The following AJAP1 variants were observed in gnomAD, a reference collection of about 807,000 sequenced individuals.
AJAP1 encodes the protein adherens junctions associated protein 1, also known as adherens junction-associated protein 1.
In AJAP1, 5 loss-of-function variants were observed where a neutral mutation model predicts 35.0. The ratio of observed to expected loss-of-function variants is 0.14; its 90% CI spans 0.07 to 0.30. AJAP1 has a LOEUF of 0.30. Among genes scored for constraint, AJAP1 ranks in the 10% least tolerant of loss-of-function variants. AJAP1 has a pLI of 1.00. For synonymous variants in AJAP1, 284 were observed against 249.3 expected, an observed-to-expected ratio of 1.14 and a Z score of -1.31; for missense variants, 586 against 571.0, an observed-to-expected ratio of 1.03 and a Z score of -0.27.
chr1:4,751,935 C>A (rs538328122), intron 2 of AJAP1, among the ~76,000 whole-genome samples: 1 of 152,246 alleles, frequency 6.6e-6, no homozygotes, highest in East Asian at 1.9e-4. Flanking sequence ...GCACTGAGTC[C>A]CTGCCCACAC....
rs955999061 is a variant in AJAP1, at chr1:4,782,815, C to T, written c.*330C>T. On this transcript the variant is annotated 3_prime_UTR_variant, in exon 6 of 6. Coordinates refer to ENST00000378191, the MANE Select transcript of AJAP1 (RefSeq NM_018836.4). This position sits in a 1 kb window ranked among gnomAD's most constrained non-coding sequence, Gnocchi z 5.3. ...GAGGCAGAGAGACGAGGATACCCAGCGAAAGGGACGGGAGGAAGCATCCGA... is the reference window on the plus strand; with the variant it reads ...GAGGCAGAGAGACGAGGATACCCAGTGAAAGGGACGGGAGGAAGCATCCGA... 4 of 398,512 alleles carry T rather than the reference C, an allele frequency of 1.0e-5. No homozygotes were observed. The highest frequency in any genetic ancestry group is 6.2e-5 in the African/African-American group (3 of 48,604). The allele number at this position is 398,512 out of a possible 1,614,324, so 24.7% of individuals were successfully genotyped here.
intron 2 of AJAP1, among the ~76,000 whole-genome samples, chr1:4,751,635 G>C (rs928761690): frequency 6.6e-6 from 1 of 152,238 alleles, no homozygotes; most frequent in African/African-American, 2.4e-5. Context: ...CGCACATTCT[G>C]TCTGGGAGTC....
Position 4,712,468 on chromosome 1 carries a change from G to A in AJAP1, c.598G>A (p.Val200Ile), listed in dbSNP as rs138033447. The A allele has an allele frequency of 2.5e-6, 4 of 1,611,456 alleles. No homozygotes were observed. Among genetic ancestry groups the A allele is most frequent in the South Asian group, 1.1e-5 (1 of 90,484 alleles). ...CCTGGAGTCCAACACATTTCCGGGC[G>A]TTTACGGCCCCACCACGGTCTCCAT... ...EALESNTFPG[V>I]YGPTTVSILQ... The change falls in exon 2 of 6, where the codon GTT becomes ATT. Residue 200 changes from valine to isoleucine, a missense_variant. Physicochemically the swap from Val to Ile is conservative, Grantham distance 29. Transcript: ENST00000378191.
chr1:4,744,942 C>T (rs144648102), intron 2 of AJAP1, among the ~76,000 whole-genome samples: 1 of 152,054 alleles, frequency 6.6e-6, no homozygotes, highest in Admixed American at 6.5e-5. Context: ...GGATTCGGGG[C>T]TGGGAGGCTC....
At chr1:4,657,772 G>A (rs1280883339) in intron 1 of AJAP1, among the ~76,000 whole-genome samples, 2 of 152,112 alleles carry the variant, frequency 1.3e-5, no homozygotes, top group Non-Finnish European at 2.9e-5. Flanking sequence ...CGAAGTCTGG[G>A]CTTGGTTATT....
At chr1:4,694,773 C>A (rs1359751127) in intron 1 of AJAP1, among the ~76,000 whole-genome samples, 1 of 152,180 alleles carries the variant, frequency 6.6e-6, no homozygotes, top group African/African-American at 2.4e-5. Context: ...CAGCAGGTAC[C>A]CGGGGAGCCG....
At chr1:4,713,298 T>C (rs1230811111) in intron 2 of AJAP1, among the ~76,000 whole-genome samples, 3 of 152,156 alleles carry the variant, frequency 2.0e-5, no homozygotes, top group Non-Finnish European at 4.4e-5. Context: ...TCGCAGACAG[T>C]GATTCAGGTG....
In AJAP1 at chr1:4,666,517, C is replaced by T. The variant is rs115009247; in HGVS notation, c.29+11063C>T. ...GGGCCCGTGACTCACAGGAGGGGTG[C>T]GGAGAGGGGCCCGTGAATCACGGGA... On this transcript the variant is annotated intron_variant, in intron 1 of 5. Transcript: ENST00000378191. Among the ~76,000 whole-genome samples the T allele has an allele frequency of 3.3e-3, 425 of 130,210 alleles. 14 individuals carry two copies. The highest frequency in any genetic ancestry group is 0.012 in the African/African-American group (376 of 32,610). The allele number at this position is 130,210 out of a possible 152,430, so 85.4% of individuals were successfully genotyped here.
intron 2 of AJAP1, among the ~76,000 whole-genome samples, chr1:4,739,335 G>C (rs1355363487): frequency 6.6e-6 from 1 of 152,186 alleles, no homozygotes; most frequent in Non-Finnish European, 1.5e-5. Context: ...TGGAAAGTGG[G>C]TCCGTCCAAG....
rs375235824 is a variant in AJAP1, at chr1:4,711,871, C to G, written c.30-29C>G. On this transcript the variant is annotated intron_variant, in intron 1 of 5. Transcript: ENST00000378191. ...GTCCCCCTCCTGGGCTTCCACTGAC[C>G]GCTCTTCTCTCCTTTCCCCCCCGCA... is the stretch of plus-strand genomic sequence containing the variant. The G allele has an allele frequency of 2.9e-5, 41 of 1,436,628 alleles. No homozygotes were observed. The African/African-American group carries it at 4.8e-4, about 17-fold the overall frequency. 89.0% of individuals were successfully genotyped at this position (1,436,628 alleles called of 1,614,324 possible). A position where few individuals can be genotyped will look rare whatever the true frequency, so the allele number is the denominator to read the frequency against.
intron 1 of AJAP1, among the ~76,000 whole-genome samples, chr1:4,669,658 A>G (rs1639209137): frequency 6.6e-6 from 1 of 152,220 alleles, no homozygotes; most frequent in Non-Finnish European, 1.5e-5. Flanking sequence ...GCCAAACCAC[A>G]TCATACAATA....
At chr1:4,730,592 G>A (rs1417669007) in intron 2 of AJAP1, among the ~76,000 whole-genome samples, 2 of 152,186 alleles carry the variant, frequency 1.3e-5, no homozygotes, top group Non-Finnish European at 1.5e-5. Flanking sequence ...GAACCTCTGC[G>A]GGGCTGCCCC....
intron 1 of AJAP1, among the ~76,000 whole-genome samples, chr1:4,707,188 G>A (rs1472250992): frequency 6.6e-6 from 1 of 152,096 alleles, no homozygotes; most frequent in Non-Finnish European, 1.5e-5. Context: ...CATCCGCCAG[G>A]GCCAGGATTA....
chr1:4,732,710 C>A (rs370654454), intron 2 of AJAP1, among the ~76,000 whole-genome samples: 1 of 152,226 alleles, frequency 6.6e-6, no homozygotes, highest in Non-Finnish European at 1.5e-5. Context: ...GGCCCTTCCG[C>A]GAGACCTGGG....
chr1:4,711,787 CAGA>C (rs1640245848), intron 1 of AJAP1, 110 bp from the exon 2 acceptor site: 2 of 826,158 alleles, frequency 2.4e-6, no homozygotes, highest in Non-Finnish European at 3.6e-6. Context: ...GAGCTCTTTC[CAGA>C]AGAAGAGAGC....
At chr1:4,694,026 A>C (rs1281653095) in intron 1 of AJAP1, among the ~76,000 whole-genome samples, 2 of 152,196 alleles carry the variant, frequency 1.3e-5, no homozygotes, top group Admixed American at 1.3e-4. Flanking sequence ...TAGGGTGAGC[A>C]AAGGAGGGTA....
chr1:4,710,697 A>G (rs979784788), intron 1 of AJAP1, among the ~76,000 whole-genome samples: 1 of 152,222 alleles, frequency 6.6e-6, no homozygotes, highest in African/African-American at 2.4e-5. Flanking sequence ...GATTCATTTT[A>G]ACTTTCAGAC....
At chr1:4,661,799 G>A (rs1557597999) in intron 1 of AJAP1, among the ~76,000 whole-genome samples, 4 of 152,144 alleles carry the variant, frequency 2.6e-5, no homozygotes, top group Admixed American at 1.3e-4. Flanking sequence ...AAAGGTTTAT[G>A]GTCAAATGAC....
chr1:4,686,363 C>T (rs1343298352), intron 1 of AJAP1, among the ~76,000 whole-genome samples: 1 of 152,148 alleles, frequency 6.6e-6, no homozygotes, highest in Admixed American at 6.5e-5. Context: ...TTGATTGCCC[C>T]GCCTTCCTCT....
Sources: gnomAD v4.1 joint callset for allele counts (sites outside exome capture counted in the v4.1 genomes callset) on GRCh38, gnomAD v4.1.1 for gene constraint, Gnocchi (gnomAD v3.1) non-coding constraint, MANE v1.5 for transcripts, NCBI Gene and HGNC (gene_info 2026-07-23, HGNC 2026-07-21) for gene names.